Variants in NIPAL3 observed in about 807,000 individuals in gnomAD.
NIPAL3 encodes NIPA like domain containing 3.
NIPAL3 carries 41 observed loss-of-function variants against 47.2 expected under a neutral mutation model. The ratio of observed to expected loss-of-function variants is 0.87; its 90% confidence interval spans 0.68 to 1.13. The LOEUF (loss-of-function observed/expected upper bound fraction) is 1.13. NIPAL3 is among the 50% of genes most tolerant of loss of function. NIPAL3 has a pLI of 0.00. For synonymous variants in NIPAL3, 194 were observed against 209.6 expected (o/e 0.93, Z 0.64); for missense variants, 449 against 530.1 (o/e 0.85, Z 1.50).
intron 4 of NIPAL3, among the ~76,000 whole-genome samples, chr1:24,443,619 A>G (rs1032691286): frequency 6.6e-6 from 1 of 152,180 alleles, no homozygotes; most frequent in Non-Finnish European, 1.5e-5. Context: ...GCAGAAACCT[A>G]TTTACTTTCC....
At chr1:24,453,372 G>A (rs1008105087) in intron 6 of NIPAL3, 36 bp from the exon 7 acceptor site, 1 of 1,530,582 alleles carries the variant, frequency 6.5e-7, no homozygotes, top group Non-Finnish European at 9.0e-7. Context: ...TACTTCTGTG[G>A]TCCCCACTGA....
intron 2 of NIPAL3, among the ~76,000 whole-genome samples, chr1:24,435,069 A>G (rs183302316): frequency 6.6e-6 from 1 of 152,348 alleles, no homozygotes; most frequent in East Asian, 1.9e-4. Context: ...AAATAAATCA[A>G]TGGGATAGAA....
intron 11 of NIPAL3, among the ~76,000 whole-genome samples, chr1:24,467,926 C>A (rs1646768218): frequency 6.6e-6 from 1 of 152,168 alleles, no homozygotes; most frequent in Admixed American, 6.5e-5. Flanking sequence ...CTGTTATTAT[C>A]ATCATAGTTT....
rs543174623 is a variant in NIPAL3, at chr1:24,451,693, G to T, written c.541-1715G>T. Among the ~76,000 whole-genome samples the T allele has an allele frequency of 1.3e-5, 2 of 151,862 alleles. No homozygotes were observed. The highest frequency in any genetic ancestry group is 4.2e-4 in the South Asian group (2 of 4,794). Reference sequence around the variant, plus strand: ...CACTCCAGCCTGAGTGACACAGTGAGACCCTGTCTCAAAAAAAGAAAAAGA... The same window carrying T: ...CACTCCAGCCTGAGTGACACAGTGATACCCTGTCTCAAAAAAAGAAAAAGA... On this transcript the variant is annotated intron_variant, in intron 6 of 11. Transcript: ENST00000374399. The surrounding 1 kb of genome is among the most constrained non-coding windows in gnomAD (Gnocchi z 4.5).
rs757994641 is a variant in NIPAL3 at position 24,453,438 on chromosome 1, C to T, written c.571C>T (p.Leu191Phe). Reference protein sequence around the residue: ...LVEIILFCLLLYFYKEKNANN... With the variant: ...LVEIILFCLLFYFYKEKNANN... ...GGAGATCATTCTGTTCTGCTTGCTG[C>T]TCTACTTCTACAAGGAGAAGAACGC... The change falls in exon 7 of 12, where the codon CTC (leucine) becomes TTC (phenylalanine). Residue 191 changes from leucine (L) to phenylalanine (F), a missense_variant. Coordinates refer to ENST00000374399, the MANE Select transcript of NIPAL3 (RefSeq NM_020448.5). The T allele has an allele frequency of 3.8e-5, 62 of 1,613,458 alleles. No homozygotes were observed. The East Asian group carries it at 1.3e-3, about 35-fold the overall frequency.
Position 24,419,641 on chromosome 1 carries a change from G to C in NIPAL3, c.93+1G>C, listed in dbSNP as rs2148740728. ...AAGCGAGGCCTCCTTCTCCTACAAG[G>C]CAAGGGCTTTTTTGGGGTTTGGGAA... On this transcript the variant is annotated splice_donor_variant, in intron 2 of 11. Transcript: ENST00000374399. LOFTEE classifies it high-confidence loss of function. 6.2e-7 allele frequency: 1 copy of C among 1,613,464 alleles called. No individual in the cohort carries two copies. Among genetic ancestry groups the C allele is most frequent in the East Asian group, 2.2e-5 (1 of 44,874 alleles).
intron 1 of NIPAL3, among the ~76,000 whole-genome samples, 196 bp from the exon 2 acceptor site, chr1:24,419,095 T>C (rs941438136): frequency 3.3e-5 from 5 of 152,076 alleles, no homozygotes; most frequent in African/African-American, 1.2e-4. Flanking sequence ...GAGTCAGGTT[T>C]GTATTAAGGG....
At chr1:24,445,674 G>T (rs1645622939) in intron 5 of NIPAL3, among the ~76,000 whole-genome samples, 1 of 152,128 alleles carries the variant, frequency 6.6e-6, no homozygotes, top group African/African-American at 2.4e-5. Flanking sequence ...GAGCAGCCAA[G>T]GGAATGTCCT....
intron 2 of NIPAL3, among the ~76,000 whole-genome samples, chr1:24,434,274 C>T (rs972243514): frequency 5.3e-5 from 8 of 151,800 alleles, no homozygotes; most frequent in African/African-American, 1.9e-4. Context: ...ATGTAAATAA[C>T]CAAAGGAGAG....
At chr1:24,432,273 G>A (rs184980650) in intron 2 of NIPAL3, among the ~76,000 whole-genome samples, 136 of 152,228 alleles carry the variant, frequency 8.9e-4, no homozygotes, top group Middle Eastern at 3.4e-3. Flanking sequence ...AATTACAGGC[G>A]TGTGCCACCA....
intron 6 of NIPAL3, among the ~76,000 whole-genome samples, chr1:24,452,693 G>A (rs1445120398): frequency 6.6e-6 from 1 of 151,954 alleles, no homozygotes; most frequent in Non-Finnish European, 1.5e-5. Flanking sequence ...AGCACAGGGA[G>A]TATATACTCA....
intron 2 of NIPAL3, among the ~76,000 whole-genome samples, chr1:24,426,336 C>T (rs1290265791): frequency 1.3e-5 from 2 of 151,950 alleles, no homozygotes; most frequent in Admixed American, 1.3e-4. Flanking sequence ...AGTCCGTCGC[C>T]CAGGCTGGAA....
At chr1:24,460,362 A>G in intron 9 of NIPAL3, 119 bp from the exon 10 acceptor site, 2 of 777,528 alleles carry the variant, frequency 2.6e-6, no homozygotes, top group East Asian at 6.1e-5. Flanking sequence ...AGGCACAGTC[A>G]TAAGTTTTGA....
At chr1:24,420,084 A>G (rs1644252070) in intron 2 of NIPAL3, 1 of 146,488 alleles carries the variant, frequency 6.8e-6, no homozygotes, top group Admixed American at 6.7e-5. Flanking sequence ...CTGTCTCAAA[A>G]GGAAAAAAAA....
chr1:24,435,105 C>T lies in NIPAL3; in HGVS notation c.94-5067C>T, dbSNP rs752737495. On this transcript the variant is annotated intron_variant, in intron 2 of 11. Transcript: ENST00000374399. ...TTCAGAGTCCAGAAATTAACCCATA[C>T]ATCTATGGTCAGTTGATTTCAACAA... 3.3e-5 allele frequency among the ~76,000 whole-genome samples: 5 copies of T among 152,166 alleles called. No homozygotes were observed. The East Asian group carries it at 7.7e-4, about 23-fold the overall frequency.
intron 3 of NIPAL3, among the ~76,000 whole-genome samples, chr1:24,440,948 G>A (rs964281640): frequency 1.3e-5 from 2 of 152,130 alleles, no homozygotes; most frequent in Non-Finnish European, 2.9e-5. Context: ...GGACTAATCC[G>A]CTCATGAATG....
chr1:24,442,260 T>C (rs1293911650), intron 4 of NIPAL3, 34 bp downstream of exon 4: 2 of 1,599,344 alleles, frequency 1.3e-6, no homozygotes, highest in South Asian at 1.1e-5. Context: ...TCCCCTGGGG[T>C]GCTCCCAGCT....
rs542124168 is a variant in NIPAL3, at chr1:24,460,507, G to A, written c.889G>A (p.Gly297Arg). Reference sequence around the variant, plus strand: ...TGCAATATTTTACCTGGACTTCATCGGGGAGGACGTGCTGCACATCTGCAT... The same window carrying A: ...TGCAATATTTTACCTGGACTTCATCAGGGAGGACGTGCTGCACATCTGCAT... Reference protein sequence around the residue: ...AGAIFYLDFIGEDVLHICMFA... With the variant: ...AGAIFYLDFIREDVLHICMFA... The change falls in exon 10 of 12, where the codon GGG becomes AGG. Residue 297 changes from glycine (G) to arginine (R), a missense_variant. By Grantham distance (125) the Gly-to-Arg change is moderately radical. Transcript: ENST00000374399. 82 of 1,586,088 alleles carry A rather than the reference G, an allele frequency of 5.2e-5. No individual in the cohort carries two copies. Among genetic ancestry groups the A allele is most frequent in the Middle Eastern group, 5.0e-4 (3 of 6,012 alleles).
intron 2 of NIPAL3, among the ~76,000 whole-genome samples, chr1:24,439,372 A>G (rs1264944407): frequency 6.6e-6 from 1 of 152,234 alleles, no homozygotes; most frequent in Non-Finnish European, 1.5e-5. Context: ...AACAGATTAT[A>G]AAACAGATGG....
Sources: allele counts gnomAD v4.1 joint callset (sites outside exome capture counted in the v4.1 genomes callset), GRCh38; gene constraint gnomAD v4.1.1; non-coding constraint Gnocchi (gnomAD v3.1); transcripts MANE v1.5; gene names NCBI Gene and HGNC (gene_info 2026-07-23, HGNC 2026-07-21).